POU6F2: variants seen among roughly 807,000 people sequenced by gnomAD.
The protein encoded by POU6F2 is POU domain, class 6, transcription factor 2.
A neutral mutation model predicts 71.3 loss-of-function variants in POU6F2; 31 were observed. That is an observed-to-expected ratio of 0.43 (90% confidence interval 0.33 to 0.59). POU6F2 has a LOEUF of 0.59. Ranked by LOEUF, POU6F2 falls within the 20% of genes least tolerant of loss-of-function variation. The pLI is 0.04. For missense variants in POU6F2, 783 were observed against 856.8 expected (o/e 0.91, Z 1.07); for synonymous variants, 347 against 355.7 (o/e 0.98, Z 0.27).
intron 4 of POU6F2, among the ~76,000 whole-genome samples, chr7:39,287,259 A>G (rs774732152): frequency 1.2e-4 from 18 of 152,214 alleles, no homozygotes; most frequent in African/African-American, 3.4e-4. Flanking sequence ...GAAAATGATA[A>G]GGAAGATAAG....
intron 4 of POU6F2, among the ~76,000 whole-genome samples, chr7:39,303,767 GA>G (rs1784999560): frequency 6.6e-6 from 1 of 152,182 alleles, no homozygotes; most frequent in African/African-American, 2.4e-5. Context: ...TATAGGAAAG[GA>G]AAGAAGAGAG....
chr7:39,060,182 T>C (rs958948156), intron 1 of POU6F2, among the ~76,000 whole-genome samples: 1 of 151,688 alleles, frequency 6.6e-6, no homozygotes, highest in Non-Finnish European at 1.5e-5. Context: ...CACTCTCGCC[T>C]GGGCAACAGA....
chr7:39,409,347 G>A (rs1787503218), intron 6 of POU6F2, among the ~76,000 whole-genome samples: 1 of 152,176 alleles, frequency 6.6e-6, no homozygotes, highest in Non-Finnish European at 1.5e-5. Flanking sequence ...CTGTTGAGAA[G>A]GGTGGGGTGA....
intron 1 of POU6F2, among the ~76,000 whole-genome samples, chr7:39,001,719 ATAATGGTGATGG>A (rs1562662681): frequency 1.3e-5 from 2 of 151,588 alleles, no homozygotes; most frequent in African/African-American, 2.4e-5. Flanking sequence ...TGATGATGAT[ATAATGGTGATGG>A]TAATGGTGAT....
intron 4 of POU6F2, among the ~76,000 whole-genome samples, chr7:39,299,995 G>A (rs1784924171): frequency 6.6e-6 from 1 of 152,114 alleles, no homozygotes; most frequent in Non-Finnish European, 1.5e-5. Context: ...GTTTCCAGCA[G>A]TCCCAGTTAG....
chr7:39,181,981 C>G (rs747032235), intron 2 of POU6F2, among the ~76,000 whole-genome samples: 1 of 152,190 alleles, frequency 6.6e-6, no homozygotes, highest in African/African-American at 2.4e-5. Context: ...ACTACCTCCT[C>G]AGATTACAAT....
At chr7:39,343,319 C>T (rs1306446255) in intron 5 of POU6F2, among the ~76,000 whole-genome samples, 2 of 151,794 alleles carry the variant, frequency 1.3e-5, no homozygotes. Context: ...ACAGGCTGTG[C>T]CTGAATCTAA....
At chr7:39,054,164 T>C (rs2128714446) in intron 1 of POU6F2, among the ~76,000 whole-genome samples, 1 of 152,264 alleles carries the variant, frequency 6.6e-6, no homozygotes, top group South Asian at 2.1e-4. Context: ...AAAATGTTTA[T>C]ATATTTTTTA....
In POU6F2 at chr7:39,071,934, A is replaced by G. The variant is rs140160944; in HGVS notation, c.106-13926A>G. Among the ~76,000 whole-genome samples, 31 of 152,306 alleles carry G rather than the reference A, an allele frequency of 2.0e-4. No individual in the cohort carries two copies. The East Asian group carries it at 5.8e-3, about 28-fold the overall frequency. ...GCTGATTTACTTTAACGAAGTATTC[A>G]GCAGGCTTGATTAGAGTTTTGCTTG... On this transcript the variant is annotated intron_variant, in intron 1 of 9. Coordinates refer to ENST00000518318, the MANE Select transcript of POU6F2 (RefSeq NM_001370959.1).
intron 4 of POU6F2, among the ~76,000 whole-genome samples, chr7:39,303,963 T>C (rs536667567): frequency 6.6e-6 from 1 of 152,300 alleles, no homozygotes; most frequent in South Asian, 2.1e-4. Context: ...CCAAATATGG[T>C]ATCAGACTAA....
At chr7:39,364,557 G>A (rs562547537) in intron 5 of POU6F2, among the ~76,000 whole-genome samples, 2 of 152,158 alleles carry the variant, frequency 1.3e-5, no homozygotes, top group Admixed American at 1.3e-4. Context: ...TAGAATAATA[G>A]CCTCCAGTTT....
chr7:39,038,862 C>T lies in POU6F2; in HGVS notation c.106-46998C>T, dbSNP rs541646460. 2.6e-5 allele frequency among the ~76,000 whole-genome samples: 4 copies of T among 151,962 alleles called. No homozygotes were observed. The South Asian group carries it at 8.3e-4, about 32-fold the overall frequency. On this transcript the variant is annotated intron_variant, in intron 1 of 9. Transcript: ENST00000518318. ...GATTTGTCTCAGGCATATGAGAGAG[C>T]TTCTTCTTACCCCAGTATCTCCTTC...
intron 1 of POU6F2, among the ~76,000 whole-genome samples, chr7:38,981,908 C>A (rs531029513): frequency 6.5e-4 from 99 of 152,224 alleles, no homozygotes; most frequent in African/African-American, 2.3e-3. Context: ...TTAAAACACA[C>A]AAATATTTCA....
intron 1 of POU6F2, among the ~76,000 whole-genome samples, chr7:39,042,205 A>G (rs1482911689): frequency 6.6e-6 from 1 of 152,032 alleles, no homozygotes; most frequent in African/African-American, 2.4e-5. Context: ...GTGAGTGGCC[A>G]AGCTGTAAAA....
intron 4 of POU6F2, among the ~76,000 whole-genome samples, chr7:39,320,600 G>C (rs1785367398): frequency 6.6e-6 from 1 of 152,142 alleles, no homozygotes; most frequent in South Asian, 2.1e-4. Flanking sequence ...AAAAGACATA[G>C]AGTAGTTGCT....
At chr7:39,036,057 G>A (rs1790056386) in intron 1 of POU6F2, among the ~76,000 whole-genome samples, 1 of 152,132 alleles carries the variant, frequency 6.6e-6, no homozygotes, top group Non-Finnish European at 1.5e-5. Flanking sequence ...CGGGAGAGGA[G>A]AGGCGTGCTG....
At chr7:39,195,407 C>G (rs1284045078) in intron 2 of POU6F2, among the ~76,000 whole-genome samples, 1 of 152,184 alleles carries the variant, frequency 6.6e-6, no homozygotes. Context: ...AAATCATATT[C>G]TGCATGACAG....
chr7:39,360,375 C>G (rs1786353184), intron 5 of POU6F2, among the ~76,000 whole-genome samples: 1 of 152,102 alleles, frequency 6.6e-6, no homozygotes, highest in Non-Finnish European at 1.5e-5. Flanking sequence ...GAGATACAAG[C>G]CATACACAGT....
intron 5 of POU6F2, among the ~76,000 whole-genome samples, chr7:39,348,855 T>C (rs547300454): frequency 6.6e-6 from 1 of 152,306 alleles, no homozygotes; most frequent in Admixed American, 6.5e-5. Context: ...TTTGCAAAGA[T>C]TATTTGAATA....
Sources: gnomAD v4.1 joint callset for allele counts (sites outside exome capture counted in the v4.1 genomes callset) on GRCh38, gnomAD v4.1.1 for gene constraint, MANE v1.5 for transcripts, NCBI Gene and HGNC (gene_info 2026-07-23, HGNC 2026-07-21) for gene names.